Variants in NUDT9 observed in about 807,000 individuals in gnomAD.
NUDT9 encodes ADP-ribose pyrophosphatase.
Under a neutral mutation model 41.0 loss-of-function variants are expected in NUDT9, and 31 were observed. The ratio of observed to expected loss-of-function variants is 0.76; its 90% CI spans 0.57 to 1.02. The LOEUF (loss-of-function observed/expected upper bound fraction) is 1.02. NUDT9 is among the 50% of genes least tolerant of loss of function. NUDT9 has a pLI of 0.00. For synonymous variants in NUDT9, 146 were observed against 147.6 expected (o/e 0.99, Z 0.08); for missense variants, 380 against 431.4 (o/e 0.88, Z 1.06).
rs1006300396 is a variant in NUDT9 at position 87,423,138 on chromosome 4, A to C, written c.107+126A>C. On this transcript the variant is annotated intron_variant, in intron 1 of 7. Coordinates refer to ENST00000302174, the MANE Select transcript of NUDT9 (RefSeq NM_024047.5). ...TCTCGGGTTTTTATAGTCATATACA[A>C]GTTTTCAAAAAGGCTCTAAAATATT... 3 of 568,942 alleles carry C rather than the reference A, an allele frequency of 5.3e-6. No homozygotes were observed. In the Admixed American group the frequency reaches 1.2e-4, roughly 23 times the overall value. 35.2% of individuals were successfully genotyped at this position (568,942 alleles called of 1,614,324 possible).
At chr4:87,433,872 C>G (rs887590581) in intron 1 of NUDT9, among the ~76,000 whole-genome samples, 1 of 152,052 alleles carries the variant, frequency 6.6e-6, no homozygotes, top group South Asian at 2.1e-4. Context: ...TGTATATTTA[C>G]CACAGTCTAC....
At position 87,444,549 on chromosome 4, in the gene NUDT9, AT is replaced by A. The variant is rs565721215; in HGVS notation, c.530+2635del. On this transcript the variant is annotated intron_variant, in intron 4 of 7. Coordinates refer to ENST00000302174, the MANE Select transcript of NUDT9 (RefSeq NM_024047.5). ...GAGATGGAAAGAGTTAATAAAAAAA[AT>A]ATTAATGGCAGTGTTAGTTTCTGAT... Among the ~76,000 whole-genome samples the A allele has an allele frequency of 2.7e-3, 412 of 152,332 alleles. 1 individual carries two copies. The highest frequency in any genetic ancestry group is 9.4e-3 in the African/African-American group (389 of 41,576).
intron 1 of NUDT9, among the ~76,000 whole-genome samples, chr4:87,427,532 A>G (rs1008891516): frequency 6.6e-6 from 1 of 152,236 alleles, no homozygotes; most frequent in Admixed American, 6.5e-5. Context: ...TCTTGATGTG[A>G]TAAGATGTAT....
intron 2 of NUDT9, 25 bp from the exon 3 acceptor site, chr4:87,438,252 T>G (rs1444147298): frequency 7.9e-7 from 1 of 1,261,556 alleles, no homozygotes; most frequent in Non-Finnish European, 1.2e-6. Flanking sequence ...TTATTTCTTA[T>G]TTTACATTGG....
chr4:87,440,448 G>A (rs1722153562), intron 3 of NUDT9, among the ~76,000 whole-genome samples: 1 of 152,192 alleles, frequency 6.6e-6, no homozygotes, highest in African/African-American at 2.4e-5. Flanking sequence ...GTCCATTCCA[G>A]TTTCCTGTTT....
chr4:87,438,211 T>G (rs567803938), intron 2 of NUDT9, 66 bp from the exon 3 acceptor site: 1 of 831,986 alleles, frequency 1.2e-6, no homozygotes, highest in African/African-American at 1.7e-5. Flanking sequence ...AGATTGACTT[T>G]CATTATTAAG....
At chr4:87,425,742 A>G (rs1486122661) in intron 1 of NUDT9, among the ~76,000 whole-genome samples, 1 of 148,932 alleles carries the variant, frequency 6.7e-6, no homozygotes, top group Non-Finnish European at 1.5e-5. Flanking sequence ...GAATTTTACC[A>G]GTCTTTGATA....
At chr4:87,454,097 AG>A (rs1022788302) in intron 6 of NUDT9, among the ~76,000 whole-genome samples, 5 of 151,532 alleles carry the variant, frequency 3.3e-5, no homozygotes, top group African/African-American at 9.7e-5. Flanking sequence ...TCCTGACCTC[AG>A]GTGATCCACC....
intron 1 of NUDT9, among the ~76,000 whole-genome samples, chr4:87,430,404 A>G (rs929506921): frequency 6.6e-6 from 1 of 152,254 alleles, no homozygotes; most frequent in Non-Finnish European, 1.5e-5. Flanking sequence ...TGGCTTCAGT[A>G]GAAAACTAAT....
Position 87,435,007 on chromosome 4 carries a change from A to G in NUDT9, c.134A>G (p.His45Arg). Residue 45 changes from histidine (H) to arginine (R), a missense_variant, in exon 2 of 8, where the codon CAT becomes CGT. His to Arg is a conservative substitution (Grantham distance 29). Coordinates refer to ENST00000302174, the MANE Select transcript of NUDT9 (RefSeq NM_024047.5). ...FRNSFSSSWF[H>R]LNTNVMSGSN... The stretch of plus-strand genomic sequence containing the variant: ...AACTCGTTTTCATCTTCTTGGTTTC[A>G]TCTTAATACCAACGTCATGTCTGGT... 6.2e-7 allele frequency: 1 copy of G among 1,612,582 alleles called. No individual in the cohort carries two copies. The highest frequency in any genetic ancestry group is 2.2e-5 in the East Asian group (1 of 44,866).
intron 1 of NUDT9, among the ~76,000 whole-genome samples, chr4:87,432,834 A>T (rs1325057606): frequency 6.6e-6 from 1 of 151,930 alleles, no homozygotes; most frequent in African/African-American, 2.4e-5. Context: ...TAGAACCATC[A>T]TTGGATTCCA....
chr4:87,432,655 C>T (rs2110165027), intron 1 of NUDT9, among the ~76,000 whole-genome samples: 1 of 152,062 alleles, frequency 6.6e-6, no homozygotes, highest in South Asian at 2.1e-4. Context: ...CATATATGGC[C>T]TTTATTATGT....
Position 87,422,868 on chromosome 4 carries a change from G to T in NUDT9, c.-38G>T. The T allele has an allele frequency of 6.4e-7, 1 of 1,559,736 alleles. No homozygotes were observed. Among genetic ancestry groups the T allele is most frequent in the South Asian group, 1.1e-5 (1 of 89,414 alleles). ...GTGGGGAGGCGGAGGCACCAACTAAGAGCGACCTAGCATCGCAAAGCCGCC... is the reference window on the plus strand; with the variant it reads ...GTGGGGAGGCGGAGGCACCAACTAATAGCGACCTAGCATCGCAAAGCCGCC... On this transcript the variant is annotated 5_prime_UTR_variant, in exon 1 of 8. Coordinates refer to ENST00000302174, the MANE Select transcript of NUDT9 (RefSeq NM_024047.5).
At chr4:87,437,941 A>G (rs1034279585) in intron 2 of NUDT9, among the ~76,000 whole-genome samples, 2 of 152,160 alleles carry the variant, frequency 1.3e-5, no homozygotes, top group Non-Finnish European at 2.9e-5. Flanking sequence ...TAGTTTTCAT[A>G]TTGTGCCCAC....
Position 87,458,477 on chromosome 4 carries a change from G to A in NUDT9, c.*456G>A, listed in dbSNP as rs1723084352. 1 of 152,404 alleles carries A rather than the reference G, an allele frequency of 6.6e-6. No homozygotes were observed. Among genetic ancestry groups the A allele is most frequent in the Admixed American group, 6.5e-5 (1 of 15,274 alleles). The allele number at this position is 152,404 out of a possible 1,614,324, so 9.4% of individuals were successfully genotyped here. A position where few individuals can be genotyped will look rare whatever the true frequency, so the allele number is the denominator to read the frequency against. The stretch of plus-strand genomic sequence containing the variant: ...ACCGCCACTGGATGTATAGTTTAAT[G>A]TTTCATCTGATTTTTCTTTAAATTA... On this transcript the variant is annotated 3_prime_UTR_variant, in exon 8 of 8. Coordinates refer to ENST00000302174, the MANE Select transcript of NUDT9 (RefSeq NM_024047.5).
chr4:87,430,509 T>C (rs1721639637), intron 1 of NUDT9, among the ~76,000 whole-genome samples: 1 of 152,356 alleles, frequency 6.6e-6, no homozygotes, highest in South Asian at 2.1e-4. Context: ...TGAATCTTTT[T>C]TCAGCAATGC....
chr4:87,430,988 G>A (rs1466955000), intron 1 of NUDT9, among the ~76,000 whole-genome samples: 1 of 151,976 alleles, frequency 6.6e-6, no homozygotes, highest in Admixed American at 6.6e-5. Context: ...TGTACTTTTG[G>A]TGTCATATCC....
At chr4:87,452,518 A>G (rs1178446420) in intron 6 of NUDT9, among the ~76,000 whole-genome samples, 1 of 152,018 alleles carries the variant, frequency 6.6e-6, no homozygotes, top group Non-Finnish European at 1.5e-5. Flanking sequence ...CAGTGGTGTT[A>G]TGGCTCACTG....
At chr4:87,441,085 AAGTTGTTTATTT>A (rs1722184974) in intron 3 of NUDT9, among the ~76,000 whole-genome samples, 1 of 152,218 alleles carries the variant, frequency 6.6e-6, no homozygotes, top group Admixed American at 6.5e-5. Flanking sequence ...AAATTTTGGC[AAGTTGTTTATTT>A]ACTTTCATAT....
Sources: gnomAD v4.1 joint callset for allele counts (sites outside exome capture counted in the v4.1 genomes callset) on GRCh38, gnomAD v4.1.1 for gene constraint, MANE v1.5 for transcripts, NCBI Gene and HGNC (gene_info 2026-07-23, HGNC 2026-07-21) for gene names.